The following PTPN2 variants were observed in gnomAD, a reference collection of about 807,000 sequenced individuals.
The protein encoded by PTPN2 is protein tyrosine phosphatase non-receptor type 2.
A neutral mutation model predicts 57.3 loss-of-function variants in PTPN2; 19 were observed. The ratio of observed to expected loss-of-function variants is 0.33; its 90% CI spans 0.23 to 0.49. The LOEUF (loss-of-function observed/expected upper bound fraction) is 0.49. Among genes scored for constraint, PTPN2 ranks in the 20% least tolerant of loss-of-function variants. The pLI is 0.99. For missense variants in PTPN2, 358 were observed against 501.1 expected, an observed-to-expected ratio of 0.71 and a Z score of 2.73; for synonymous variants, 153 against 164.9, an observed-to-expected ratio of 0.93 and a Z score of 0.55.
intron 2 of PTPN2, among the ~76,000 whole-genome samples, chr18:12,849,574 TAAA>T (rs1465793049): frequency 6.9e-6 from 1 of 144,956 alleles, no homozygotes. Context: ...AATAAATAAA[TAAA>T]AAATAAAAAA....
chr18:12,836,122 T>C lies in PTPN2; in HGVS notation c.261+669A>G, dbSNP rs1199466914. ...TATCTTTTGAATATTTAAAAATCTT[T>C]AGGGGGAAAGACAGCCCTGTTGATA... On this transcript the variant is annotated intron_variant, in intron 3 of 8. Coordinates refer to ENST00000309660, the MANE Select transcript of PTPN2 (RefSeq NM_002828.4). Among the ~76,000 whole-genome samples the C allele has an allele frequency of 2.0e-5, 3 of 152,240 alleles. No homozygotes were observed. In the East Asian group the frequency reaches 5.8e-4, roughly 29 times the overall value.
At position 12,870,343 on chromosome 18, in the gene PTPN2, ATATATATG is replaced by A. The variant is rs1159130554; in HGVS notation, c.70-11097_70-11090del. Reference sequence around the variant, plus strand: ...TGTGTATATATATGTATATATATACATATATATGTGTATATATATGTGTATATATACAT... The same window carrying A: ...TGTGTATATATATGTATATATATACATGTATATATATGTGTATATATACAT... On this transcript the variant is annotated intron_variant, in intron 1 of 8. Transcript: ENST00000309660. Among the ~76,000 whole-genome samples, 4 of 40,272 alleles carry A rather than the reference ATATATATG, an allele frequency of 9.9e-5. 1 individual carries two copies. Among genetic ancestry groups the A allele is most frequent in the African/African-American group, 4.5e-4 (3 of 6,702 alleles). The allele number at this position is 40,272 out of a possible 152,430, so 26.4% of individuals were successfully genotyped here. A position where few individuals can be genotyped will look rare whatever the true frequency, so the allele number is the denominator to read the frequency against.
At chr18:12,836,306 T>C (rs502763) in intron 3 of PTPN2, among the ~76,000 whole-genome samples, 129,338 of 152,206 alleles carry the variant, frequency 0.85, 56,684 homozygotes, top group Non-Finnish European at 0.96. Flanking sequence ...CAAGGCCTTG[T>C]GGCTGGGCCT....
chr18:12,830,502 G>T (rs1399845894), intron 4 of PTPN2, among the ~76,000 whole-genome samples: 3 of 152,212 alleles, frequency 2.0e-5, no homozygotes, highest in African/African-American at 7.2e-5. Flanking sequence ...TGATACTGCT[G>T]GAAATTCTGG....
intron 4 of PTPN2, among the ~76,000 whole-genome samples, chr18:12,829,180 G>A (rs1468200047): frequency 6.6e-6 from 1 of 152,034 alleles, no homozygotes; most frequent in Non-Finnish European, 1.5e-5. Flanking sequence ...TTACAGGTGT[G>A]AGCCACTGCA....
chr18:12,870,448 T>TAC (rs1568169676), intron 1 of PTPN2, among the ~76,000 whole-genome samples: 1 of 24,536 alleles, frequency 4.1e-5, no homozygotes, highest in Non-Finnish European at 6.4e-5. Context: ...TGTGTATATA[T>TAC]ATATATATAT....
chr18:12,803,049 C>T (rs911109554), intron 7 of PTPN2, among the ~76,000 whole-genome samples: 1 of 152,074 alleles, frequency 6.6e-6, no homozygotes, highest in African/African-American at 2.4e-5. Context: ...ACTACAGCTA[C>T]AAGTTGTTAA....
chr18:12,803,841 A>G (rs1425777494), intron 7 of PTPN2, among the ~76,000 whole-genome samples: 3 of 152,138 alleles, frequency 2.0e-5, no homozygotes, highest in African/African-American at 4.8e-5. Flanking sequence ...ATCAACAAAA[A>G]AACATTGGAT....
At chr18:12,803,252 G>C (rs2041495219) in intron 7 of PTPN2, among the ~76,000 whole-genome samples, 1 of 151,828 alleles carries the variant, frequency 6.6e-6, no homozygotes, top group Non-Finnish European at 1.5e-5. Flanking sequence ...AAATGAGAAA[G>C]AGAAATAAAT....
At chr18:12,812,607 GA>G (rs796779240) in intron 7 of PTPN2, among the ~76,000 whole-genome samples, 50 of 149,850 alleles carry the variant, frequency 3.3e-4, no homozygotes, top group African/African-American at 1.1e-3. Context: ...CTCAAAAAAA[GA>G]AAAAAAAACC....
At position 12,859,423 on chromosome 18, in the gene PTPN2, C is replaced by G. The variant is rs117614942; in HGVS notation, c.70-169G>C. On this transcript the variant is annotated intron_variant, in intron 1 of 8. Coordinates refer to ENST00000309660, the MANE Select transcript of PTPN2 (RefSeq NM_002828.4). ...TTAATCCTCACAATACTAATGGAAACGATTTTCTTCCCCATTATATCTGTG... is the reference window on the plus strand; with the variant it reads ...TTAATCCTCACAATACTAATGGAAAGGATTTTCTTCCCCATTATATCTGTG... Among the ~76,000 whole-genome samples the G allele has an allele frequency of 3.9e-3, 591 of 152,262 alleles. 6 individuals are homozygous for G. Among genetic ancestry groups the G allele is most frequent in the Middle Eastern group, 6.8e-3 (2 of 294 alleles).
In PTPN2 at chr18:12,802,137, T is replaced by C. The variant is rs762360455; in HGVS notation, c.873A>G (p.Glu291=). The change falls in exon 8 of 9, where the codon GAA becomes GAG. Residue 291 remains glutamate, a synonymous_variant. Coordinates refer to ENST00000309660, the MANE Select transcript of PTPN2 (RefSeq NM_002828.4). ...CAGGAGATAAGTCTTCCTTAGAAAG[T>C]TCTTTCCATCGTTTCTAGGTAGGGA... is the stretch of plus-strand genomic sequence containing the variant. ...GDSSIQKRWK[E]LSKEDLSPAF... 2 of 1,605,294 alleles carry C rather than the reference T, an allele frequency of 1.2e-6. No individual in the cohort carries two copies. The highest frequency in any genetic ancestry group is 1.3e-5 in the African/African-American group (1 of 74,784).
intron 7 of PTPN2, among the ~76,000 whole-genome samples, chr18:12,813,484 C>T (rs778794802): frequency 2.6e-5 from 4 of 152,166 alleles, no homozygotes; most frequent in East Asian, 3.9e-4. Flanking sequence ...ACCAATGGTC[C>T]GATCTAATTT....
intron 7 of PTPN2, among the ~76,000 whole-genome samples, chr18:12,813,363 A>G (rs2041962699): frequency 6.6e-6 from 1 of 152,216 alleles, no homozygotes; most frequent in South Asian, 2.1e-4. Context: ...TGAGTTTCCC[A>G]AACATTGCGT....
At position 12,842,310 on chromosome 18, in the gene PTPN2, T is replaced by C. The variant is rs149019331; in HGVS notation, c.161-5419A>G. 3.0e-3 allele frequency among the ~76,000 whole-genome samples: 452 copies of C among 152,240 alleles called. 10 individuals are homozygous for C. The highest frequency in any genetic ancestry group is 0.025 in the Admixed American group (387 of 15,290). On this transcript the variant is annotated intron_variant, in intron 2 of 8. Coordinates refer to ENST00000309660, the MANE Select transcript of PTPN2 (RefSeq NM_002828.4). ...CTTAGGGGAAAAGATTTAACTTTCA[T>C]CACATCCAAAGGCCCATGAGACACC...
At chr18:12,797,797 A>AT in intron 8 of PTPN2, among the ~76,000 whole-genome samples, 1 of 152,290 alleles carries the variant, frequency 6.6e-6, no homozygotes. Context: ...ATGTGGCGTG[A>AT]TCATAGCTCC....
intron 1 of PTPN2, among the ~76,000 whole-genome samples, chr18:12,874,924 A>T (rs866451834): frequency 9.9e-5 from 15 of 152,178 alleles, no homozygotes; most frequent in Non-Finnish European, 2.1e-4. Flanking sequence ...GTGTGGAAAG[A>T]AGTAGACATG....
At chr18:12,787,689 T>G (rs1181601206), downstream of PTPN2, 1 of 152,212 alleles carries the variant, frequency 6.6e-6, no homozygotes, top group Non-Finnish European at 1.5e-5. Context: ...AAGACTTTAC[T>G]TGCAAGACTG....
intron 6 of PTPN2, 28 bp downstream of exon 6, chr18:12,817,128 T>G: frequency 6.3e-7 from 1 of 1,588,962 alleles, no homozygotes; most frequent in South Asian, 1.2e-5. Context: ...ATCAATGAGA[T>G]TAAAATGAGA....
Sources: gnomAD v4.1 joint callset for allele counts (sites outside exome capture counted in the v4.1 genomes callset) on GRCh38, gnomAD v4.1.1 for gene constraint, MANE v1.5 for transcripts, NCBI Gene and HGNC (gene_info 2026-07-23, HGNC 2026-07-21) for gene names.